The following MGAT4C variants were observed in gnomAD, a reference collection of about 807,000 sequenced individuals.
MGAT4C encodes the protein MGAT4 family member C.
Under a neutral mutation model 40.1 loss-of-function variants are expected in MGAT4C, and 19 were observed. The ratio of observed to expected loss-of-function variants is 0.47; its 90% CI spans 0.33 to 0.70. MGAT4C has a LOEUF of 0.70. Among genes scored for constraint, MGAT4C ranks in the 30% least tolerant of loss-of-function variants. MGAT4C has a pLI of 0.02. For missense variants in MGAT4C, 491 were observed against 563.2 expected (o/e 0.87, Z 1.30); for synonymous variants, 181 against 187.1 (o/e 0.97, Z 0.27).
chr12:86,248,287 CAG>C (rs1452252801), intron 1 of MGAT4C, among the ~76,000 whole-genome samples: 16 of 151,492 alleles, frequency 1.1e-4, no homozygotes, highest in Non-Finnish European at 1.6e-4. Context: ...CAAACTTCTG[CAG>C]AGCACTTTGC....
At chr12:86,163,726 A>C (rs1340031082) in intron 1 of MGAT4C, among the ~76,000 whole-genome samples, 2 of 152,202 alleles carry the variant, frequency 1.3e-5, no homozygotes, top group Non-Finnish European at 2.9e-5. Context: ...GGATAACGTG[A>C]AACATTTTTG....
At chr12:86,417,651 T>C (rs1006876858) in intron 3 of MGAT4C, among the ~76,000 whole-genome samples, 3 of 152,160 alleles carry the variant, frequency 2.0e-5, no homozygotes, top group South Asian at 2.1e-4. Flanking sequence ...ATTTAAATTT[T>C]TGCATGTTTA....
chr12:86,191,458 T>A (rs1889450180), intron 1 of MGAT4C, among the ~76,000 whole-genome samples: 1 of 151,838 alleles, frequency 6.6e-6, no homozygotes, highest in African/African-American at 2.4e-5. Flanking sequence ...ATGTATTTGA[T>A]ATTTTAGGAC....
intron 2 of MGAT4C, among the ~76,000 whole-genome samples, chr12:86,465,794 G>A (rs1191317151): frequency 3.3e-5 from 5 of 152,166 alleles, no homozygotes; most frequent in Admixed American, 1.3e-4. Flanking sequence ...ATGCAAAATT[G>A]TACAGCATTT....
chr12:86,524,898 G>A (rs1958855214), intron 2 of MGAT4C, among the ~76,000 whole-genome samples: 1 of 152,068 alleles, frequency 6.6e-6, no homozygotes, highest in Admixed American at 6.6e-5. Context: ...CTTATAGTGT[G>A]TTTTCAGCTC....
chr12:86,717,986 G>C (rs1950674192), intron 2 of MGAT4C, among the ~76,000 whole-genome samples: 1 of 152,174 alleles, frequency 6.6e-6, no homozygotes, highest in Non-Finnish European at 1.5e-5. Flanking sequence ...ATTTTAATCA[G>C]GAGGAATTTC....
At chr12:86,309,390 G>A (rs1162468902) in intron 4 of MGAT4C, among the ~76,000 whole-genome samples, 2 of 152,140 alleles carry the variant, frequency 1.3e-5, no homozygotes, top group Admixed American at 1.3e-4. Context: ...ATTTTTCATA[G>A]TCTGGAGACT....
chr12:85,995,965 C>G (rs915489330), intron 2 of MGAT4C, among the ~76,000 whole-genome samples: 12 of 152,202 alleles, frequency 7.9e-5, no homozygotes, highest in African/African-American at 2.4e-4. Flanking sequence ...AGCTTAACAA[C>G]AAGCATCAAC....
intron 2 of MGAT4C, among the ~76,000 whole-genome samples, chr12:86,511,628 G>C (rs1371788803): frequency 6.6e-6 from 1 of 151,964 alleles, no homozygotes; most frequent in Non-Finnish European, 1.5e-5. Context: ...CTTTGATCGG[G>C]GGCTAAGAAT....
At chr12:86,628,014 T>C (rs1331551833) in intron 2 of MGAT4C, among the ~76,000 whole-genome samples, 1 of 150,848 alleles carries the variant, frequency 6.6e-6, no homozygotes, top group African/African-American at 2.4e-5. Flanking sequence ...ATTAGATGTA[T>C]GGCAAACTAG....
intron 3 of MGAT4C, among the ~76,000 whole-genome samples, chr12:86,412,102 T>C (rs1956618342): frequency 1.3e-5 from 2 of 152,308 alleles, no homozygotes; most frequent in South Asian, 2.1e-4. Context: ...AACACCTGGA[T>C]GTCTAGTCAG....
intron 2 of MGAT4C, among the ~76,000 whole-genome samples, chr12:86,690,190 G>A (rs1442959821): frequency 6.6e-6 from 1 of 152,116 alleles, no homozygotes; most frequent in Admixed American, 6.5e-5. Flanking sequence ...GTCCCAGGTC[G>A]ACTTCAGACT....
chr12:86,741,242 T>C (rs1286739451), intron 1 of MGAT4C, among the ~76,000 whole-genome samples: 1 of 151,248 alleles, frequency 6.6e-6, no homozygotes, highest in Non-Finnish European at 1.5e-5. Context: ...TAAGGGCCCA[T>C]CATTGGTGGA....
intron 1 of MGAT4C, among the ~76,000 whole-genome samples, chr12:86,182,523 G>T (rs761910790): frequency 2.0e-5 from 3 of 151,862 alleles, no homozygotes; most frequent in Non-Finnish European, 4.4e-5. Flanking sequence ...CTATCCATTT[G>T]TCTTCTTCCC....
At chr12:86,715,245 T>C (rs745422825) in intron 2 of MGAT4C, among the ~76,000 whole-genome samples, 3 of 152,166 alleles carry the variant, frequency 2.0e-5, no homozygotes, top group Non-Finnish European at 2.9e-5. Context: ...AAACATACTT[T>C]GTAATTTTTT....
intron 4 of MGAT4C, among the ~76,000 whole-genome samples, chr12:86,329,857 T>C (rs934034842): frequency 3.9e-5 from 6 of 152,212 alleles, no homozygotes; most frequent in African/African-American, 1.4e-4. Flanking sequence ...TGCAGATCTC[T>C]GCACAGTTTC....
At chr12:86,006,152 G>A (rs1887851447) in intron 2 of MGAT4C, among the ~76,000 whole-genome samples, 1 of 152,004 alleles carries the variant, frequency 6.6e-6, no homozygotes, top group African/African-American at 2.4e-5. Flanking sequence ...GTTGCTGTGT[G>A]GGCCACTCAG....
chr12:86,378,984 C>T (rs1408492881), intron 3 of MGAT4C, among the ~76,000 whole-genome samples: 1 of 152,076 alleles, frequency 6.6e-6, no homozygotes, highest in African/African-American at 2.4e-5. Flanking sequence ...TGATTTGAAT[C>T]TGAACTCTAT....
At position 86,628,673 on chromosome 12, in the gene MGAT4C, A is replaced by G. The variant is rs373148684; in HGVS notation, c.-229+98536T>C. Among the ~76,000 whole-genome samples the G allele has an allele frequency of 3.1e-3, 469 of 152,282 alleles. 2 individuals carry two copies. Among genetic ancestry groups the G allele is most frequent in the Middle Eastern group, 0.014 (4 of 294 alleles). On this transcript the variant is annotated intron_variant, in intron 2 of 7. Coordinates refer to the MGAT4C transcript ENST00000548651. ...GCTTCATAAGTGAAGGAGAAATAAA[A>G]TCCTTTACAGACAAGCAAATGCTGA...
Sources: gnomAD v4.1 joint callset for allele counts (sites outside exome capture counted in the v4.1 genomes callset) on GRCh38, gnomAD v4.1.1 for gene constraint, MANE v1.5 for transcripts, NCBI Gene and HGNC (gene_info 2026-07-23, HGNC 2026-07-21) for gene names.